The following RNF111 variants were observed in gnomAD, a reference collection of about 807,000 sequenced individuals.
The protein encoded by RNF111 is ring finger protein 111, also known as E3 ubiquitin-protein ligase Arkadia.
A neutral mutation model predicts 95.1 loss-of-function variants in RNF111; 17 were observed. The observed-to-expected ratio is 0.18, with a 90% CI of 0.12 to 0.27. RNF111 has a LOEUF of 0.27. Among genes scored for constraint, RNF111 ranks in the 10% least tolerant of loss-of-function variants. The probability of loss-of-function intolerance (pLI) is 1.00; values close to 1 mark genes in which losing one functional copy is unlikely to be tolerated. For synonymous variants in RNF111, 440 were observed against 414.8 expected (o/e 1.06, Z -0.74); for missense variants, 1,189 against 1,210.4 (o/e 0.98, Z 0.26).
rs549951733 is a variant in RNF111, at chr15:58,999,429, A to G, written c.-20+11361A>G. Among the ~76,000 whole-genome samples, 400 of 152,116 alleles carry G rather than the reference A, an allele frequency of 2.6e-3. 4 individuals are homozygous for G. The highest frequency in any genetic ancestry group is 8.8e-3 in the African/African-American group (365 of 41,468). ...CAGTTCACTGCAATCTCCGCCCCCC[A>G]GGTTCAAGCAATTCTGCTGCCTCAG... On this transcript the variant is annotated intron_variant, in intron 1 of 13. Transcript: ENST00000348370.
intron 1 of RNF111, among the ~76,000 whole-genome samples, chr15:58,997,691 C>G (rs113711750): frequency 9.9e-5 from 15 of 151,250 alleles, no homozygotes; most frequent in African/African-American, 3.6e-4. Context: ...TGGCATATGT[C>G]TGTAATCCCA....
chr15:59,055,975 T>A (rs942370135), intron 4 of RNF111, 130 bp downstream of exon 4: 8 of 707,752 alleles, frequency 1.1e-5, no homozygotes, highest in South Asian at 9.8e-5. Context: ...TCAGATTTTT[T>A]AATCTCGTTT....
chr15:59,029,232 C>G (rs570490622), intron 1 of RNF111, among the ~76,000 whole-genome samples: 8 of 152,200 alleles, frequency 5.3e-5, no homozygotes, highest in African/African-American at 1.7e-4. Flanking sequence ...TACAGCCATC[C>G]TGTTTGGCCC....
intron 1 of RNF111, among the ~76,000 whole-genome samples, chr15:59,008,905 CT>C (rs2039663786): frequency 6.6e-6 from 1 of 152,048 alleles, no homozygotes; most frequent in Non-Finnish European, 1.5e-5. Context: ...AAACAGTATA[CT>C]TTCATTTGTT....
chr15:59,046,560 T>C (rs2041719785), intron 2 of RNF111, among the ~76,000 whole-genome samples: 1 of 152,212 alleles, frequency 6.6e-6, no homozygotes, highest in South Asian at 2.1e-4. Context: ...TTACCTGTTG[T>C]CTGACACAGA....
chr15:59,040,649 G>A (rs529079259), intron 2 of RNF111, among the ~76,000 whole-genome samples: 1 of 152,064 alleles, frequency 6.6e-6, no homozygotes, highest in African/African-American at 2.4e-5. Flanking sequence ...CCATAAATAC[G>A]TACACATAAG....
intron 1 of RNF111, among the ~76,000 whole-genome samples, chr15:58,998,431 T>G (rs1192768720): frequency 2.6e-5 from 4 of 152,138 alleles, no homozygotes; most frequent in African/African-American, 9.7e-5. Context: ...TTACAGTGAG[T>G]GTTCTTCCCC....
chr15:59,073,865 A>G (rs1297133193), intron 6 of RNF111, among the ~76,000 whole-genome samples: 1 of 152,208 alleles, frequency 6.6e-6, no homozygotes, highest in African/African-American at 2.4e-5. Context: ...TTTAATAGTA[A>G]GACTTGAAAG....
At chr15:58,997,232 T>G (rs2039117759) in intron 1 of RNF111, among the ~76,000 whole-genome samples, 1 of 152,194 alleles carries the variant, frequency 6.6e-6, no homozygotes, top group Non-Finnish European at 1.5e-5. Flanking sequence ...ATCTCTTTCC[T>G]CCTGTATTTT....
chr15:59,046,800 AAAATATTTGC>A (rs1173694248), intron 2 of RNF111, among the ~76,000 whole-genome samples: 2 of 152,218 alleles, frequency 1.3e-5, no homozygotes, highest in Admixed American at 1.3e-4. Flanking sequence ...AGACTGGGAG[AAAATATTTGC>A]AAATAGTATA....
At chr15:59,058,812 C>A in intron 5 of RNF111, 2 of 385,638 alleles carry the variant, frequency 5.2e-6, no homozygotes, top group South Asian at 3.4e-5. Flanking sequence ...AAAGCATGAG[C>A]AACAAAAGCA....
intron 2 of RNF111, among the ~76,000 whole-genome samples, chr15:59,042,089 A>C (rs1267667673): frequency 6.6e-6 from 1 of 151,920 alleles, no homozygotes. Context: ...TCACAAATTA[A>C]TTAGTAGTTT....
chr15:58,999,787 T>C (rs2039244477), intron 1 of RNF111, among the ~76,000 whole-genome samples: 1 of 152,192 alleles, frequency 6.6e-6, no homozygotes, highest in African/African-American at 2.4e-5. Context: ...CAAGGTTCCA[T>C]AGGTTTTATA....
At chr15:59,066,474 GT>G (rs2042660789) in intron 5 of RNF111, among the ~76,000 whole-genome samples, 1 of 152,142 alleles carries the variant, frequency 6.6e-6, no homozygotes, top group Non-Finnish European at 1.5e-5. Flanking sequence ...GCTGGGCGTG[GT>G]GGTGCATGCC....
chr15:59,058,629 A>ATT, intron 5 of RNF111, 79 bp downstream of exon 5: 1 of 1,264,648 alleles, frequency 7.9e-7, no homozygotes, highest in Non-Finnish European at 1.1e-6. Flanking sequence ...TAAGTCTAAG[A>ATT]TTTTAGCTAT....
intron 10 of RNF111, among the ~76,000 whole-genome samples, chr15:59,086,364 C>T (rs569637823): frequency 1.4e-4 from 22 of 152,300 alleles, no homozygotes; most frequent in Non-Finnish European, 2.4e-4. Context: ...AGTGATCTGC[C>T]CACCTTGGCC....
intron 7 of RNF111, among the ~76,000 whole-genome samples, chr15:59,077,851 TA>T (rs1185382616): frequency 1.3e-5 from 2 of 152,364 alleles, no homozygotes; most frequent in East Asian, 3.9e-4. Context: ...TAAATTGTAT[TA>T]TTTTCTGTTA....
intron 1 of RNF111, among the ~76,000 whole-genome samples, chr15:58,989,378 C>A (rs2038708205): frequency 6.6e-6 from 1 of 152,160 alleles, no homozygotes; most frequent in Non-Finnish European, 1.5e-5. Flanking sequence ...ATGACTTTAT[C>A]ATCTCTCTCC....
At chr15:59,079,172 A>G (rs1260018375) in intron 7 of RNF111, among the ~76,000 whole-genome samples, 2 of 152,254 alleles carry the variant, frequency 1.3e-5, no homozygotes, top group Non-Finnish European at 2.9e-5. Context: ...AGTTAAATAA[A>G]TGGACTCATT....
Sources: allele counts gnomAD v4.1 joint callset (sites outside exome capture counted in the v4.1 genomes callset), GRCh38; gene constraint gnomAD v4.1.1; transcripts MANE v1.5; gene names NCBI Gene and HGNC (gene_info 2026-07-23, HGNC 2026-07-21).